Variants in GABRG2 observed in about 807,000 individuals in gnomAD.
The protein encoded by GABRG2 is gamma-aminobutyric acid type A receptor subunit gamma2.
GABRG2 carries 16 observed loss-of-function variants against 56.4 expected under a neutral mutation model. That is an observed-to-expected ratio of 0.28 (90% confidence interval 0.19 to 0.43). The LOEUF is 0.43. Ranked by LOEUF, GABRG2 falls within the 20% of genes least tolerant of loss-of-function variation. The pLI is 1.00. For synonymous variants in GABRG2, 208 were observed against 205.5 expected, an observed-to-expected ratio of 1.01 and a Z score of -0.10; for missense variants, 327 against 582.7, an observed-to-expected ratio of 0.56 and a Z score of 4.52.
At chr5:162,112,300 A>C (rs1227783215) in intron 6 of GABRG2, among the ~76,000 whole-genome samples, 1 of 152,054 alleles carries the variant, frequency 6.6e-6, no homozygotes, top group Non-Finnish European at 1.5e-5. Context: ...TTTCTAACCC[A>C]GCTGAAAATC....
chr5:162,151,620 G>A lies in GABRG2; in HGVS notation c.1129-110G>A. The A allele has an allele frequency of 5.3e-6, 5 of 942,640 alleles. No individual in the cohort carries two copies. In the South Asian group the frequency reaches 7.5e-5, roughly 14 times the overall value. The allele number at this position is 942,640 out of a possible 1,614,324, so 58.4% of individuals were successfully genotyped here. ...AATTTCAGTTCATTTCACTTACTGT[G>A]TTTTCAAAATGTATTTTTAATTTAT... On this transcript the variant is annotated intron_variant, in intron 8 of 9. Coordinates refer to ENST00000639213, the MANE Select transcript of GABRG2 (RefSeq NM_198904.4).
intron 6 of GABRG2, among the ~76,000 whole-genome samples, chr5:162,135,881 AAAAACAAAAC>A (rs60627503): frequency 2.0e-5 from 3 of 152,042 alleles, no homozygotes; most frequent in East Asian, 1.9e-4. Flanking sequence ...ATAGTGAGGG[AAAAACAAAAC>A]AAAACAAAAC....
chr5:162,124,958 A>ATGTGTG (rs55993809), intron 6 of GABRG2, among the ~76,000 whole-genome samples: 9,827 of 143,898 alleles, frequency 0.068, 309 homozygotes, highest in South Asian at 0.086. Flanking sequence ...GTATAAAGAG[A>ATGTGTG]TGTGTGTGTG....
rs200105817 is a variant in GABRG2, at chr5:162,124,496, GA to G, written c.770-17663del. 1.1e-3 allele frequency among the ~76,000 whole-genome samples: 162 copies of G among 151,842 alleles called. 3 individuals carry two copies. The East Asian group carries it at 0.02, about 19-fold the overall frequency. On this transcript the variant is annotated intron_variant, in intron 6 of 9. Transcript: ENST00000639213. ...ATGCCCTTTAGAGAGGCCCTCCCGAGAAAAAGGAATAGGAAGGAATGCGGCA... is the reference window on the plus strand; with the variant it reads ...ATGCCCTTTAGAGAGGCCCTCCCGAGAAAAGGAATAGGAAGGAATGCGGCA...
rs1491476715 is a variant in GABRG2, at chr5:162,109,423, T to TA, written c.769+5397_769+5398insA. Among the ~76,000 whole-genome samples the TA allele has an allele frequency of 6.4e-4, 90 of 141,628 alleles. No homozygotes were observed. In the East Asian group the frequency reaches 6.5e-3, roughly 10 times the overall value. 92.9% of individuals were successfully genotyped at this position (141,628 alleles called of 152,430 possible). A position where few individuals can be genotyped will look rare whatever the true frequency, so the allele number is the denominator to read the frequency against. On this transcript the variant is annotated intron_variant, in intron 6 of 9. Coordinates refer to ENST00000639213, the MANE Select transcript of GABRG2 (RefSeq NM_198904.4). ...ATATATATATATATATATATATATA[T>TA]TTATTTATATAAAATGAAAACATGA...
intron 1 of GABRG2, among the ~76,000 whole-genome samples, chr5:162,070,104 G>A (rs1390311389): frequency 1.3e-5 from 2 of 152,040 alleles, no homozygotes; most frequent in Non-Finnish European, 2.9e-5. Context: ...TGTTGCCACA[G>A]CCCCACCTTT....
At position 162,153,615 on chromosome 5, in the gene GABRG2, T is replaced by C. The variant is rs371389067; in HGVS notation, c.*247T>C. On this transcript the variant is annotated 3_prime_UTR_variant, in exon 10 of 10. Coordinates refer to ENST00000639213, the MANE Select transcript of GABRG2 (RefSeq NM_198904.4). ...GCAAAGTAAAATTAGAGCAAGAACA[T>C]TCAAACCAAATAAGATATTTTTCAG... The C allele has an allele frequency of 2.0e-4, 117 of 580,030 alleles. No individual in the cohort carries two copies. The highest frequency in any genetic ancestry group is 3.1e-4 in the Non-Finnish European group (102 of 325,262). 35.9% of individuals were successfully genotyped at this position (580,030 alleles called of 1,614,324 possible). A position where few individuals can be genotyped will look rare whatever the true frequency, so the allele number is the denominator to read the frequency against.
intron 6 of GABRG2, among the ~76,000 whole-genome samples, chr5:162,127,138 TAGC>T (rs1424233264): frequency 1.3e-5 from 2 of 151,952 alleles, no homozygotes; most frequent in Non-Finnish European, 2.9e-5. Context: ...GAGATTAAGA[TAGC>T]AGGATTGCCG....
chr5:162,100,318 C>G (rs1430701273), intron 4 of GABRG2: 1 of 152,082 alleles, frequency 6.6e-6, no homozygotes, highest in Non-Finnish European at 1.5e-5. Flanking sequence ...ATTAGAAAAT[C>G]TCTTAAAAAT....
intron 6 of GABRG2, among the ~76,000 whole-genome samples, chr5:162,117,474 C>A (rs1178772048): frequency 1.3e-5 from 2 of 152,026 alleles, no homozygotes; most frequent in African/African-American, 4.8e-5. Flanking sequence ...CTCTAACAGT[C>A]CTGTGTAAGA....
chr5:162,152,969 T>A (rs1271753620), intron 9 of GABRG2, 124 bp from the exon 10 acceptor site: 8 of 1,121,754 alleles, frequency 7.1e-6, no homozygotes, highest in Non-Finnish European at 9.4e-6. Context: ...GATCATGATG[T>A]CATAGCAATT....
rs1760759274 is a variant in GABRG2, at chr5:162,093,411, T to C, written c.108-417T>C. On this transcript the variant is annotated intron_variant, in intron 1 of 9. Coordinates refer to ENST00000639213, the MANE Select transcript of GABRG2 (RefSeq NM_198904.4). ...CTAATTATCAGTCTCTTACTTTCAT[T>C]AATAAGTTGGGGCAAGTGAACTCCT... is the stretch of plus-strand genomic sequence containing the variant. Among the ~76,000 whole-genome samples, 3 of 152,092 alleles carry C rather than the reference T, an allele frequency of 2.0e-5. No homozygotes were observed. The South Asian group carries it at 6.2e-4, about 32-fold the overall frequency.
At chr5:162,108,772 G>A (rs376437470) in intron 6 of GABRG2, among the ~76,000 whole-genome samples, 8 of 152,060 alleles carry the variant, frequency 5.3e-5, no homozygotes, top group African/African-American at 1.9e-4. Flanking sequence ...CTTGGCAAAT[G>A]GAAGGCAACA....
intron 6 of GABRG2, among the ~76,000 whole-genome samples, chr5:162,113,090 C>G (rs1350762888): frequency 6.6e-6 from 1 of 152,008 alleles, no homozygotes; most frequent in Non-Finnish European, 1.5e-5. Flanking sequence ...CACACGCACG[C>G]CACTATGCCT....
intron 9 of GABRG2, chr5:162,152,362 A>G (rs1196992063): frequency 5.3e-6 from 2 of 380,284 alleles, no homozygotes; most frequent in Admixed American, 5.8e-5. Flanking sequence ...AGATTATGCT[A>G]AAATGAAATC....
chr5:162,088,931 A>G (rs1394254815), intron 1 of GABRG2, among the ~76,000 whole-genome samples: 1 of 152,136 alleles, frequency 6.6e-6, no homozygotes, highest in Admixed American at 6.6e-5. Context: ...TGAGCAAAAA[A>G]TTATTCCCAC....
At chr5:162,106,919 T>G (rs59148473) in intron 6 of GABRG2, among the ~76,000 whole-genome samples, 3,903 of 151,204 alleles carry the variant, frequency 0.026, 184 homozygotes, top group African/African-American at 0.089. Flanking sequence ...GTGTCTTGGG[T>G]GGGGGGTTGT....
intron 1 of GABRG2, among the ~76,000 whole-genome samples, chr5:162,071,663 A>C (rs1758681888): frequency 6.6e-6 from 1 of 151,986 alleles, no homozygotes; most frequent in Non-Finnish European, 1.5e-5. Flanking sequence ...TGTAGAAAAA[A>C]ATATTTTGAT....
At chr5:162,142,527 A>G in intron 7 of GABRG2, 1 of 510,724 alleles carries the variant, frequency 2.0e-6, no homozygotes, top group Non-Finnish European at 3.6e-6. Flanking sequence ...AGACTGGATT[A>G]AGAAAATGTG....
Sources: gnomAD v4.1 joint callset for allele counts (sites outside exome capture counted in the v4.1 genomes callset) on GRCh38, gnomAD v4.1.1 for gene constraint, MANE v1.5 for transcripts, NCBI Gene and HGNC (gene_info 2026-07-23, HGNC 2026-07-21) for gene names.